The following EVA1C variants were observed in gnomAD, a reference collection of about 807,000 sequenced individuals.
EVA1C encodes protein eva-1 homolog C.
Under a neutral mutation model 45.4 loss-of-function variants are expected in EVA1C, and 25 were observed. That is an observed-to-expected ratio of 0.55 (90% confidence interval 0.40 to 0.77). The LOEUF is 0.77. EVA1C is among the 30% of genes least tolerant of loss of function. The pLI, the probability that EVA1C is intolerant of heterozygous loss-of-function variation, is 0.00. For missense variants in EVA1C, 479 were observed against 554.8 expected (o/e 0.86, Z 1.37); for synonymous variants, 190 against 221.2 (o/e 0.86, Z 1.25).
Position 32,495,118 on chromosome 21 carries a change from A to G in EVA1C, c.726A>G (p.Gly242=). Residue 242 remains glycine, a synonymous_variant, in exon 5 of 8, where the codon GGA becomes GGG. Coordinates refer to ENST00000300255, the MANE Select transcript of EVA1C (RefSeq NM_058187.5). ...TCATCGTCAACAATCACCATTTTGG[A>G]AGCCCCTGTTTGCCAGGCGTGAAAA... ...CKIIVNNHHF[G]SPCLPGVKKY... The G allele has an allele frequency of 6.2e-7, 1 of 1,614,136 alleles. No individual in the cohort carries two copies.
chr21:32,438,526 A>G (rs1235676388), intron 1 of EVA1C, among the ~76,000 whole-genome samples: 4 of 151,692 alleles, frequency 2.6e-5, no homozygotes, highest in Non-Finnish European at 5.9e-5. Context: ...GACCAAGAAA[A>G]GGGCATTCAT....
intron 3 of EVA1C, among the ~76,000 whole-genome samples, chr21:32,461,820 C>T (rs561275553): frequency 6.6e-6 from 1 of 152,332 alleles, no homozygotes; most frequent in African/African-American, 2.4e-5. Context: ...CAAATTGCAT[C>T]CCTTCAGGAA....
chr21:32,498,521 G>C (rs2037428419), intron 5 of EVA1C, among the ~76,000 whole-genome samples: 1 of 151,716 alleles, frequency 6.6e-6, no homozygotes, highest in African/African-American at 2.4e-5. Flanking sequence ...TAACCAAATA[G>C]CCAGACACAT....
At chr21:32,507,667 T>TGCATG (rs1204019389) in intron 7 of EVA1C, among the ~76,000 whole-genome samples, 5 of 152,192 alleles carry the variant, frequency 3.3e-5, no homozygotes, top group Admixed American at 3.3e-4. Context: ...TGTGTGTGCA[T>TGCATG]GCATGTGTAT....
chr21:32,510,845 G>C (rs2037922518), intron 7 of EVA1C, among the ~76,000 whole-genome samples: 1 of 151,946 alleles, frequency 6.6e-6, no homozygotes, highest in Admixed American at 6.6e-5. Flanking sequence ...GACCAGCCCG[G>C]GCAACAAAGT....
intron 4 of EVA1C, among the ~76,000 whole-genome samples, chr21:32,493,374 T>C (rs2037230690): frequency 6.6e-6 from 1 of 152,222 alleles, no homozygotes; most frequent in Non-Finnish European, 1.5e-5. Context: ...GAGTAAAGTC[T>C]GAATTCTTTA....
chr21:32,502,072 GTCTTTCTTTCTC>G (rs1444898980), intron 6 of EVA1C, among the ~76,000 whole-genome samples: 1 of 110,192 alleles, frequency 9.1e-6, no homozygotes, highest in Non-Finnish European at 1.9e-5. Flanking sequence ...TCTTTCTTCT[GTCTTTCTTTCTC>G]TCTTTCTTTC....
intron 1 of EVA1C, among the ~76,000 whole-genome samples, chr21:32,441,268 G>A (rs1419204808): frequency 2.6e-5 from 4 of 152,088 alleles, no homozygotes; most frequent in Non-Finnish European, 5.9e-5. Flanking sequence ...CAGAGTTAGG[G>A]GTGTGGGGCA....
chr21:32,412,512 A>G (rs539395804), upstream of EVA1C: 1 of 214,486 alleles, frequency 4.7e-6, no homozygotes, highest in Admixed American at 5.9e-5. Flanking sequence ...GCAGCGCGCC[A>G]GGGATCGGCC....
At chr21:32,472,628 C>G (rs370495161) in intron 4 of EVA1C, among the ~76,000 whole-genome samples, 1 of 151,830 alleles carries the variant, frequency 6.6e-6, no homozygotes, top group East Asian at 1.9e-4. Flanking sequence ...AGAGAAAGAC[C>G]CTGTCTCTTA....
chr21:32,412,829 C>T lies in EVA1C; in HGVS notation c.-25C>T, dbSNP rs1018573243. The T allele has an allele frequency of 3.6e-6, 5 of 1,401,350 alleles. No individual in the cohort carries two copies. The African/African-American group carries it at 4.5e-5, about 13-fold the overall frequency. 86.8% of individuals were successfully genotyped at this position (1,401,350 alleles called of 1,614,324 possible). A position where few individuals can be genotyped will look rare whatever the true frequency, so the allele number is the denominator to read the frequency against. Reference sequence around the variant, plus strand: ...ACCCCCAGCGCGTCCCGGGCCTGCGCCTCCGCCCCGCCGCGCAGCGCACGA... The same window carrying T: ...ACCCCCAGCGCGTCCCGGGCCTGCGTCTCCGCCCCGCCGCGCAGCGCACGA... On this transcript the variant is annotated 5_prime_UTR_variant, in exon 1 of 8. Coordinates refer to ENST00000300255, the MANE Select transcript of EVA1C (RefSeq NM_058187.5).
chr21:32,478,870 C>T (rs566165581), intron 4 of EVA1C, among the ~76,000 whole-genome samples: 3 of 152,344 alleles, frequency 2.0e-5, no homozygotes, highest in African/African-American at 7.2e-5. Context: ...CACAATAGGC[C>T]TCAAAGGCTG....
chr21:32,431,292 G>A (rs2034694111), intron 1 of EVA1C, among the ~76,000 whole-genome samples: 1 of 152,208 alleles, frequency 6.6e-6, no homozygotes, highest in Admixed American at 6.5e-5. Flanking sequence ...GACCAAGACT[G>A]GACCCACAAC....
At chr21:32,500,637 G>A (rs562797956) in intron 5 of EVA1C, among the ~76,000 whole-genome samples, 65 of 131,608 alleles carry the variant, frequency 4.9e-4, no homozygotes, top group Non-Finnish European at 9.8e-4. Context: ...CCACCCCCCC[G>A]GTCCCAGATA....
At chr21:32,458,682 T>C (rs2035883354) in intron 3 of EVA1C, among the ~76,000 whole-genome samples, 1 of 151,704 alleles carries the variant, frequency 6.6e-6, no homozygotes, top group Admixed American at 6.6e-5. Context: ...GGTTTTGCCA[T>C]GTTGGTCAGG....
chr21:32,414,867 C>G (rs1190890621), intron 1 of EVA1C, among the ~76,000 whole-genome samples: 1 of 152,170 alleles, frequency 6.6e-6, no homozygotes, highest in Non-Finnish European at 1.5e-5. Context: ...CAGAACATGT[C>G]AGAAGCCTTT....
At chr21:32,457,459 G>T in intron 2 of EVA1C, 138 bp from the exon 3 acceptor site, 5 of 907,038 alleles carry the variant, frequency 5.5e-6, no homozygotes, top group Non-Finnish European at 8.9e-6. Context: ...CCACGTCTAT[G>T]CTCTTTGGCC....
chr21:32,414,686 T>C (rs2033967253), intron 1 of EVA1C, among the ~76,000 whole-genome samples: 1 of 152,212 alleles, frequency 6.6e-6, no homozygotes, highest in Admixed American at 6.6e-5. Flanking sequence ...TTGATACATG[T>C]TATTCTAAAT....
chr21:32,456,902 A>G (rs1036827037), intron 2 of EVA1C, among the ~76,000 whole-genome samples: 25 of 146,042 alleles, frequency 1.7e-4, no homozygotes, highest in Admixed American at 2.1e-4. Flanking sequence ...CTGTCTGGAA[A>G]AAATCAGGAG....
Sources: gnomAD v4.1 joint callset for allele counts (sites outside exome capture counted in the v4.1 genomes callset) on GRCh38, gnomAD v4.1.1 for gene constraint, MANE v1.5 for transcripts, NCBI Gene and HGNC (gene_info 2026-07-23, HGNC 2026-07-21) for gene names.